Variants in KCNQ1OT1 observed in about 807,000 individuals in gnomAD.
KCNQ1OT1 encodes KCNQ1 antisense RNA 2 (non-protein coding).
chr11:2,610,775 C>G (rs1848968565), exon 1 of KCNQ1OT1: 1 of 167,268 alleles, frequency 6.0e-6, no homozygotes, highest in Non-Finnish European at 1.1e-5. Context: ...TGTTACCCCA[C>G]TACTTTCTGG....
At chr11:2,630,992 T>G in exon 1 of KCNQ1OT1, 1 of 398,564 alleles carries the variant, frequency 2.5e-6, no homozygotes, top group Non-Finnish European at 4.4e-6. Context: ...TTTATTTATC[T>G]TGCCGCTTTC....
Position 2,695,195 on chromosome 11 carries a change from C to T in KCNQ1OT1, n.4800G>A. On this transcript the variant is annotated non_coding_transcript_exon_variant, in exon 1 of 1. Coordinates refer to ENST00000597346, the Ensembl canonical transcript of KCNQ1OT1. The surrounding 1 kb of genome is among the most constrained non-coding windows in gnomAD (Gnocchi z 5.2). ...TGATCACAGCCCTCAGCCTATGAAA[C>T]ACTGTCACCCTGTAAGGGTCTGCAT... 2 of 398,614 alleles carry T rather than the reference C, an allele frequency of 5.0e-6. No individual in the cohort carries two copies. The highest frequency in any genetic ancestry group is 2.5e-4 in the South Asian group (2 of 7,864). The allele number at this position is 398,614 out of a possible 1,614,324, so 24.7% of individuals were successfully genotyped here. A position where few individuals can be genotyped will look rare whatever the true frequency, so the allele number is the denominator to read the frequency against.
rs1044770954 is a variant in KCNQ1OT1 at position 2,642,180 on chromosome 11, C to T, written n.57815G>A. The T allele has an allele frequency of 1.3e-4, 52 of 398,158 alleles. 2 individuals are homozygous for T. The highest frequency in any genetic ancestry group is 4.4e-6 in the Non-Finnish European group (1 of 225,894). 24.7% of individuals were successfully genotyped at this position (398,158 alleles called of 1,614,324 possible). On this transcript the variant is annotated non_coding_transcript_exon_variant, in exon 1 of 1. Coordinates refer to ENST00000597346, the Ensembl canonical transcript of KCNQ1OT1. This position sits in a 1 kb window ranked among gnomAD's most constrained non-coding sequence, Gnocchi z 4.3. The stretch of plus-strand genomic sequence containing the variant: ...AATGGCATTGGTATTTTGAGAGAGA[C>T]TGCATTGAATCTGTAGATTGCTTTG...
At chr11:2,614,024 T>C (rs1193073121) in exon 1 of KCNQ1OT1, 1 of 398,518 alleles carries the variant, frequency 2.5e-6, no homozygotes, top group Non-Finnish European at 4.4e-6. Context: ...TTGCATAGTA[T>C]TCCTTAGTGT....
exon 1 of KCNQ1OT1, chr11:2,618,062 G>A (rs2106463): frequency 0.034 from 13,473 of 398,264 alleles, 688 homozygotes; most frequent in African/African-American, 0.13. Context: ...ATTTGTTTTT[G>A]TAGCCTGAGC....
rs1849996812 is a variant in KCNQ1OT1 at position 2,663,026 on chromosome 11, G to C, written n.36969C>G. ...AATCACTGAGGAAATCGGGACCCAT[G>C]GTGCTGGGGGCTGCAGGTGTAACCA... On this transcript the variant is annotated non_coding_transcript_exon_variant, in exon 1 of 1. Coordinates refer to ENST00000597346, the Ensembl canonical transcript of KCNQ1OT1. This position sits in a 1 kb window ranked among gnomAD's most constrained non-coding sequence, Gnocchi z 5.2. The C allele has an allele frequency of 2.5e-6, 1 of 398,718 alleles. No individual in the cohort carries two copies. The allele number at this position is 398,718 out of a possible 1,614,324, so 24.7% of individuals were successfully genotyped here. A position where few individuals can be genotyped will look rare whatever the true frequency, so the allele number is the denominator to read the frequency against.
At chr11:2,622,698 G>A (rs1051323451) in exon 1 of KCNQ1OT1, 1 of 398,450 alleles carries the variant, frequency 2.5e-6, no homozygotes, top group Non-Finnish European at 4.4e-6. Context: ...TTGTCTGTAT[G>A]TGTGTATGTG....
In KCNQ1OT1 at chr11:2,647,390, T is replaced by G; in HGVS notation, n.52605A>C. Reference sequence around the variant, plus strand: ...GATTCAGATTGCTAGTTTGTGTGTCTGTGTGTGTGTTTTGTTTCTGAGGAT... The same window carrying G: ...GATTCAGATTGCTAGTTTGTGTGTCGGTGTGTGTGTTTTGTTTCTGAGGAT... On this transcript the variant is annotated non_coding_transcript_exon_variant, in exon 1 of 1. Coordinates refer to ENST00000597346, the Ensembl canonical transcript of KCNQ1OT1. The surrounding 1 kb of genome is among the most constrained non-coding windows in gnomAD (Gnocchi z 4.0). The G allele has an allele frequency of 2.5e-6, 1 of 398,606 alleles. No individual in the cohort carries two copies. The highest frequency in any genetic ancestry group is 3.6e-5 in the East Asian group (1 of 28,076). The allele number at this position is 398,606 out of a possible 1,614,324, so 24.7% of individuals were successfully genotyped here. A position where few individuals can be genotyped will look rare whatever the true frequency, so the allele number is the denominator to read the frequency against.
At chr11:2,680,675 C>T (rs186646703) in exon 1 of KCNQ1OT1, 1 of 398,580 alleles carries the variant, frequency 2.5e-6, no homozygotes, top group Non-Finnish European at 4.4e-6. Flanking sequence ...ACATTTCTAA[C>T]TCTTCAAGAA....
exon 1 of KCNQ1OT1, chr11:2,649,483 T>C: frequency 2.5e-6 from 1 of 398,590 alleles, no homozygotes; most frequent in Non-Finnish European, 4.4e-6. Context: ...AGTAATGAAT[T>C]CCCTCAGTTT....
Position 2,673,724 on chromosome 11 carries a change from G to GC in KCNQ1OT1, n.26270dup, listed in dbSNP as rs1230954799. On this transcript the variant is annotated non_coding_transcript_exon_variant, in exon 1 of 1. Transcript: ENST00000597346. This position sits in a 1 kb window ranked among gnomAD's most constrained non-coding sequence, Gnocchi z 4.5. ...GTTGCTGAATCTCAGGGCTTGGAAG[G>GC]CCCAGACTGGACAGGGGAAGGGGTA... is the stretch of plus-strand genomic sequence containing the variant. 14 of 398,460 alleles carry GC rather than the reference G, an allele frequency of 3.5e-5. No individual in the cohort carries two copies. 24.7% of individuals were successfully genotyped at this position (398,460 alleles called of 1,614,324 possible).
chr11:2,692,339 C>T (rs931396057), exon 1 of KCNQ1OT1: 1 of 398,850 alleles, frequency 2.5e-6, no homozygotes, highest in African/African-American at 2.1e-5. Context: ...GCCACCATTT[C>T]TCTGTACTGC....
rs1467789955 is a variant in KCNQ1OT1 at position 2,609,025 on chromosome 11, T to C, written n.90970A>G. ...ACTTTATTATTTTTATATTCTATAT[T>C]TTATTTCTACTCTAATATTTATTAT... On this transcript the variant is annotated non_coding_transcript_exon_variant, in exon 1 of 1. Transcript: ENST00000597346. 14 of 398,296 alleles carry C rather than the reference T, an allele frequency of 3.5e-5. No homozygotes were observed. The Admixed American group carries it at 5.7e-4, about 16-fold the overall frequency. The allele number at this position is 398,296 out of a possible 1,614,324, so 24.7% of individuals were successfully genotyped here.
chr11:2,678,029 TTTC>T lies in KCNQ1OT1; in HGVS notation n.21963_21965del. ...AAATGCTTAAAATCATTTGTTTTTC[TTTC>T]TTGTGAACTATTTCTTCATACCCTT... is the stretch of plus-strand genomic sequence containing the variant. On this transcript the variant is annotated non_coding_transcript_exon_variant, in exon 1 of 1. Transcript: ENST00000597346. The surrounding 1 kb of genome is among the most constrained non-coding windows in gnomAD (Gnocchi z 4.9). 1 of 396,498 alleles carries T rather than the reference TTTC, an allele frequency of 2.5e-6. No individual in the cohort carries two copies. The highest frequency in any genetic ancestry group is 4.4e-6 in the Non-Finnish European group (1 of 225,592). The allele number at this position is 396,498 out of a possible 1,614,324, so 24.6% of individuals were successfully genotyped here. A position where few individuals can be genotyped will look rare whatever the true frequency, so the allele number is the denominator to read the frequency against.
rs1849953586 is a variant in KCNQ1OT1 at position 2,661,396 on chromosome 11, G to C, written n.38599C>G. The C allele has an allele frequency of 9.8e-6, 4 of 409,800 alleles. No individual in the cohort carries two copies. The South Asian group carries it at 3.3e-4, about 33-fold the overall frequency. 25.4% of individuals were successfully genotyped at this position (409,800 alleles called of 1,614,324 possible). A position where few individuals can be genotyped will look rare whatever the true frequency, so the allele number is the denominator to read the frequency against. Reference sequence around the variant, plus strand: ...AATCATAATGTGAAGCCAGCTGTTGGAGGGACTCCTGTGCCTCATTGGGGG... The same window carrying C: ...AATCATAATGTGAAGCCAGCTGTTGCAGGGACTCCTGTGCCTCATTGGGGG... On this transcript the variant is annotated non_coding_transcript_exon_variant, in exon 1 of 1. Coordinates refer to ENST00000597346, the Ensembl canonical transcript of KCNQ1OT1. This position sits in a 1 kb window ranked among gnomAD's most constrained non-coding sequence, Gnocchi z 5.9.
At position 2,617,085 on chromosome 11, in the gene KCNQ1OT1, G is replaced by A. The variant is rs1200557796; in HGVS notation, n.82910C>T. ...CACAGTTATTCTTTTGTGTGTATGA[G>A]TGAGAAAAGCTATGATCTACTCAAT... On this transcript the variant is annotated non_coding_transcript_exon_variant, in exon 1 of 1. Coordinates refer to ENST00000597346, the Ensembl canonical transcript of KCNQ1OT1. The surrounding 1 kb of genome is among the most constrained non-coding windows in gnomAD (Gnocchi z 4.6). 2.5e-6 allele frequency: 1 copy of A among 398,062 alleles called. No individual in the cohort carries two copies. The highest frequency in any genetic ancestry group is 4.4e-6 in the Non-Finnish European group (1 of 225,836). 24.7% of individuals were successfully genotyped at this position (398,062 alleles called of 1,614,324 possible).
At chr11:2,681,226 A>AAG in exon 1 of KCNQ1OT1, 1 of 398,624 alleles carries the variant, frequency 2.5e-6, no homozygotes, top group Non-Finnish European at 4.4e-6. Flanking sequence ...GAGTGGGTAG[A>AAG]AGGAAGCAGG....
rs888232229 is a variant in KCNQ1OT1 at position 2,673,222 on chromosome 11, C to A, written n.26773G>T. On this transcript the variant is annotated non_coding_transcript_exon_variant, in exon 1 of 1. Transcript: ENST00000597346. This position sits in a 1 kb window ranked among gnomAD's most constrained non-coding sequence, Gnocchi z 4.5. ...CGAACTGTGACTAGGCAAGCTGAGT[C>A]CCCTGTAGATTCTGGGGACTGGGTG... 2 of 398,442 alleles carry A rather than the reference C, an allele frequency of 5.0e-6. No homozygotes were observed. Among genetic ancestry groups the A allele is most frequent in the African/African-American group, 2.1e-5 (1 of 48,470 alleles). 24.7% of individuals were successfully genotyped at this position (398,442 alleles called of 1,614,324 possible).
exon 1 of KCNQ1OT1, chr11:2,672,503 C>A (rs1258090398): frequency 5.0e-6 from 2 of 398,688 alleles, no homozygotes; most frequent in Non-Finnish European, 8.8e-6. Flanking sequence ...TGCCTAGGAG[C>A]TCTGTGCTCC....
Sources: gnomAD v4.1 joint callset for allele counts on GRCh38, gnomAD v4.1.1 for gene constraint, Gnocchi (gnomAD v3.1) non-coding constraint, MANE v1.5 for transcripts, NCBI Gene and HGNC (gene_info 2026-07-23, HGNC 2026-07-21) for gene names.